Variants in MAP2K4 observed in about 807,000 individuals in gnomAD.
MAP2K4 encodes the protein dual specificity mitogen-activated protein kinase kinase 4.
In MAP2K4, 4 loss-of-function variants were observed where a neutral mutation model predicts 48.5. The ratio of observed to expected loss-of-function variants is 0.08; its 90% confidence interval spans 0.04 to 0.19. The LOEUF is 0.19. Among genes scored for constraint, MAP2K4 ranks in the 10% least tolerant of loss-of-function variants. The pLI, the probability that MAP2K4 is intolerant of heterozygous loss-of-function variation, is 1.00. For synonymous variants in MAP2K4, 166 were observed against 173.1 expected (o/e 0.96, Z 0.32); for missense variants, 258 against 493.3 (o/e 0.52, Z 4.52).
At chr17:12,127,692 A>G (rs1972895498) in intron 8 of MAP2K4, among the ~76,000 whole-genome samples, 1 of 152,360 alleles carries the variant, frequency 6.6e-6, no homozygotes, top group East Asian at 1.9e-4. Flanking sequence ...TTAAAACACA[A>G]GAAGGAATCT....
chr17:12,028,657 G>A (rs981570189), intron 1 of MAP2K4, among the ~76,000 whole-genome samples: 1 of 152,156 alleles, frequency 6.6e-6, no homozygotes, highest in Non-Finnish European at 1.5e-5. Flanking sequence ...GCATGACCCA[G>A]TAAGGCAGCT....
intron 2 of MAP2K4, among the ~76,000 whole-genome samples, chr17:12,067,963 TAGA>T (rs2151536525): frequency 6.6e-6 from 1 of 152,252 alleles, no homozygotes; most frequent in African/African-American, 2.4e-5. Context: ...GGGCCTAATT[TAGA>T]AGGAGGGTGG....
Position 12,095,585 on chromosome 17 carries a change from C to A in MAP2K4, c.404C>A (p.Ser135Ter). The A allele has an allele frequency of 6.2e-7, 1 of 1,613,624 alleles. No individual in the cohort carries two copies. Among genetic ancestry groups the A allele is most frequent in the South Asian group, 1.1e-5 (1 of 91,026 alleles). ...GTCATTCTTTTCCAGAGAATTCGGT[C>A]AACAGTGGATGAAAAAGAACAAAAA... ...GQIMAVKRIR[S>*]TVDEKEQKQL... is the part of the protein sequence containing the mutation. Residue 135 changes from serine (S) to a stop codon, truncating the protein, a stop_gained, in exon 4 of 11, where the codon TCA (serine) becomes TAA (stop). Transcript: ENST00000353533. LOFTEE classifies it high-confidence loss of function.
At chr17:12,136,286 C>CA (rs1017536196) in intron 9 of MAP2K4, among the ~76,000 whole-genome samples, 1 of 151,826 alleles carries the variant, frequency 6.6e-6, no homozygotes, top group African/African-American at 2.4e-5. Flanking sequence ...TGAAAGGAAA[C>CA]AAAAAATAAG....
chr17:12,104,093 A>C (rs1163228245), intron 4 of MAP2K4, among the ~76,000 whole-genome samples: 2 of 152,186 alleles, frequency 1.3e-5, no homozygotes. Context: ...ACCGACTTAA[A>C]TTTCCACCAA....
At chr17:12,110,341 A>G in intron 5 of MAP2K4, 34 bp from the exon 6 acceptor site, 1 of 1,497,004 alleles carries the variant, frequency 6.7e-7, no homozygotes, top group Non-Finnish European at 9.3e-7. Flanking sequence ...AAAAGAAACA[A>G]GTTGTTTATC....
chr17:12,093,296 C>T (rs1276983711), intron 3 of MAP2K4, among the ~76,000 whole-genome samples: 1 of 152,132 alleles, frequency 6.6e-6, no homozygotes, highest in Non-Finnish European at 1.5e-5. Context: ...TAGAGCTGTG[C>T]TAGGAACTCT....
chr17:12,088,447 T>TATATTAAATATTATACAATATTAAATATA (rs1555547642), intron 3 of MAP2K4, among the ~76,000 whole-genome samples: 9 of 137,280 alleles, frequency 6.6e-5, no homozygotes, highest in African/African-American at 2.3e-4. Flanking sequence ...ACATATAATA[T>TATATTAAATATTATACAATATTAAATATA]ATATTAAATA....
chr17:12,120,907 C>G (rs1023939561), intron 7 of MAP2K4, among the ~76,000 whole-genome samples: 2 of 152,328 alleles, frequency 1.3e-5, no homozygotes, highest in Admixed American at 1.3e-4. Context: ...ACAGTTGATG[C>G]AGGTATTCTG....
At chr17:12,039,521 A>C (rs2151515217) in intron 1 of MAP2K4, among the ~76,000 whole-genome samples, 1 of 152,328 alleles carries the variant, frequency 6.6e-6, no homozygotes, top group Non-Finnish European at 1.5e-5. Flanking sequence ...ATCTCTGCTG[A>C]AATACTTTAA....
chr17:12,028,496 C>T (rs896823374), intron 1 of MAP2K4, among the ~76,000 whole-genome samples: 2 of 152,158 alleles, frequency 1.3e-5, no homozygotes, highest in African/African-American at 2.4e-5. Flanking sequence ...GTTTAGATAA[C>T]GCCTTACATG....
At chr17:12,029,576 C>T (rs554268399) in intron 1 of MAP2K4, among the ~76,000 whole-genome samples, 2 of 152,084 alleles carry the variant, frequency 1.3e-5, no homozygotes, top group East Asian at 3.9e-4. Context: ...TTATCTAGTA[C>T]CTCCAGAGAT....
intron 3 of MAP2K4, among the ~76,000 whole-genome samples, chr17:12,084,123 T>C (rs1441945212): frequency 6.6e-6 from 1 of 152,222 alleles, no homozygotes; most frequent in Non-Finnish European, 1.5e-5. Context: ...GAGGAATTCC[T>C]TCCCCAAATT....
intron 7 of MAP2K4, among the ~76,000 whole-genome samples, chr17:12,117,258 C>G (rs544618352): frequency 8.5e-5 from 13 of 152,250 alleles, no homozygotes; most frequent in African/African-American, 3.1e-4. Flanking sequence ...TTGAGCATCC[C>G]CATTCCAAAA....
In MAP2K4 at chr17:12,115,420, C is replaced by T. The variant is rs116776058; in HGVS notation, c.813+2060C>T. 1,470 of 448,764 alleles carry T rather than the reference C, an allele frequency of 3.3e-3. 13 individuals carry two copies. Among genetic ancestry groups the T allele is most frequent in the African/African-American group, 0.024 (1,183 of 49,954 alleles). The allele number at this position is 448,764 out of a possible 1,614,324, so 27.8% of individuals were successfully genotyped here. ...GTTGCTTCTAGACTACAAGCCTATA[C>T]AGCATGTTACTGTACTAAATACTGT... On this transcript the variant is annotated intron_variant, in intron 7 of 10. Coordinates refer to ENST00000353533, the MANE Select transcript of MAP2K4 (RefSeq NM_003010.4).
chr17:12,082,334 A>C (rs1971218517), intron 3 of MAP2K4, among the ~76,000 whole-genome samples: 1 of 152,200 alleles, frequency 6.6e-6, no homozygotes, highest in South Asian at 2.1e-4. Flanking sequence ...AATCAGCAAC[A>C]GGGGGAACAA....
chr17:12,110,489 G>A, intron 6 of MAP2K4, 63 bp downstream of exon 6: 1 of 1,183,558 alleles, frequency 8.4e-7, no homozygotes, highest in Non-Finnish European at 1.3e-6. Context: ...TGGTGAAACG[G>A]TTATTGAAAA....
chr17:12,105,507 T>A (rs1972079489), intron 4 of MAP2K4, among the ~76,000 whole-genome samples: 1 of 152,148 alleles, frequency 6.6e-6, no homozygotes, highest in South Asian at 2.1e-4. Flanking sequence ...TTCCTTATGT[T>A]ACCTTAGTAG....
chr17:12,136,375 A>G (rs1973209989), intron 9 of MAP2K4, among the ~76,000 whole-genome samples: 1 of 152,256 alleles, frequency 6.6e-6, no homozygotes, highest in Non-Finnish European at 1.5e-5. Context: ...CTAGAAATAA[A>G]AAGCATAAAT....
Sources: allele counts gnomAD v4.1 joint callset (sites outside exome capture counted in the v4.1 genomes callset), GRCh38; gene constraint gnomAD v4.1.1; transcripts MANE v1.5; gene names NCBI Gene and HGNC (gene_info 2026-07-23, HGNC 2026-07-21).